Variants in FAM13A observed in about 807,000 individuals in gnomAD.
FAM13A encodes the protein protein FAM13A.
A neutral mutation model predicts 129.6 loss-of-function variants in FAM13A; 76 were observed. The ratio of observed to expected loss-of-function variants is 0.59; its 90% CI spans 0.49 to 0.71. The LOEUF is 0.71. Ranked by LOEUF, FAM13A falls within the 30% of genes least tolerant of loss-of-function variation. The pLI, the probability that FAM13A is intolerant of heterozygous loss-of-function variation, is 0.00. For missense variants in FAM13A, 1,108 were observed against 1,249.3 expected, an observed-to-expected ratio of 0.89 and a Z score of 1.70; for synonymous variants, 443 against 449.9, an observed-to-expected ratio of 0.98 and a Z score of 0.20.
At chr4:89,018,055 AG>A (rs1249796658) in intron 3 of FAM13A, among the ~76,000 whole-genome samples, 2 of 152,206 alleles carry the variant, frequency 1.3e-5, no homozygotes, top group African/African-American at 4.8e-5. Context: ...AAAAAATAAT[AG>A]GTTTGAAAAT....
chr4:88,990,287 A>G (rs1762774072), intron 4 of FAM13A: 1 of 152,198 alleles, frequency 6.6e-6, no homozygotes. Context: ...ATTAAAAAAA[A>G]AGTTGCTGAG....
At chr4:88,849,231 T>C (rs1168541102) in intron 7 of FAM13A, among the ~76,000 whole-genome samples, 1 of 152,188 alleles carries the variant, frequency 6.6e-6, no homozygotes, top group Non-Finnish European at 1.5e-5. Flanking sequence ...GTAAATGCCA[T>C]ATAACTAGAT....
chr4:89,027,115 C>T (rs1768062656), intron 2 of FAM13A, among the ~76,000 whole-genome samples: 1 of 152,162 alleles, frequency 6.6e-6, no homozygotes, highest in Non-Finnish European at 1.5e-5. Context: ...TAGTACCAAA[C>T]CCTATATATA....
intron 10 of FAM13A, among the ~76,000 whole-genome samples, chr4:88,785,361 A>G (rs1723757454): frequency 6.6e-6 from 1 of 152,154 alleles, no homozygotes; most frequent in African/African-American, 2.4e-5. Context: ...AGAAGCATAT[A>G]CTATGACGAA....
intron 6 of FAM13A, among the ~76,000 whole-genome samples, chr4:88,874,706 C>T (rs1226952433): frequency 2.0e-5 from 3 of 152,148 alleles, no homozygotes; most frequent in Admixed American, 6.5e-5. Flanking sequence ...GTGAAAATGG[C>T]CATACCGCCC....
intron 3 of FAM13A, among the ~76,000 whole-genome samples, chr4:88,992,214 T>TGG: frequency 6.6e-6 from 1 of 152,146 alleles, no homozygotes; most frequent in Admixed American, 6.5e-5. Context: ...TAGTCCTGAA[T>TGG]AAAGATTGCC....
chr4:89,053,882 T>C (rs6826407), intron 1 of FAM13A, among the ~76,000 whole-genome samples: 51,465 of 151,974 alleles, frequency 0.34, 9,219 homozygotes, highest in Middle Eastern at 0.47. Context: ...TGATGCCACA[T>C]TGGATAGAAC....
intron 19 of FAM13A, among the ~76,000 whole-genome samples, chr4:88,740,842 T>G (rs879841528): frequency 2.0e-5 from 3 of 152,238 alleles, no homozygotes; most frequent in Admixed American, 6.5e-5. Flanking sequence ...AGATAACTAA[T>G]GGGCAATTGG....
intron 9 of FAM13A, 28 bp downstream of exon 9, chr4:88,790,558 G>T: frequency 1.4e-6 from 2 of 1,403,470 alleles, no homozygotes; most frequent in South Asian, 1.2e-5. Flanking sequence ...AAAACCCAAA[G>T]CCCAAAAACC....
intron 4 of FAM13A, among the ~76,000 whole-genome samples, chr4:88,980,931 G>T (rs1157129021): frequency 1.3e-5 from 2 of 152,146 alleles, no homozygotes; most frequent in Non-Finnish European, 2.9e-5. Flanking sequence ...TTTTCTGCAA[G>T]ATTTGAAGAC....
chr4:88,963,018 A>T, intron 4 of FAM13A, among the ~76,000 whole-genome samples: 1 of 152,210 alleles, frequency 6.6e-6, no homozygotes, highest in East Asian at 1.9e-4. Flanking sequence ...GTTCAGAAAA[A>T]TATCAATGGG....
intron 4 of FAM13A, among the ~76,000 whole-genome samples, chr4:88,954,724 T>A (rs1281257602): frequency 1.3e-5 from 2 of 151,706 alleles, no homozygotes; most frequent in African/African-American, 4.8e-5. Context: ...CGTCTCTACT[T>A]AAAATTCAAA....
intron 1 of FAM13A, among the ~76,000 whole-genome samples, chr4:89,044,393 A>C (rs1465367926): frequency 6.6e-6 from 1 of 152,192 alleles, no homozygotes; most frequent in East Asian, 1.9e-4. Context: ...ACACCAATTA[A>C]GATGGCTATT....
chr4:88,938,266 G>A (rs1344657708), intron 4 of FAM13A, 25 bp from the exon 5 acceptor site: 8 of 1,579,748 alleles, frequency 5.1e-6, no homozygotes, highest in Non-Finnish European at 6.9e-6. Flanking sequence ...GGGAAAGAGA[G>A]GAATTACTTA....
chr4:89,046,046 AT>A (rs1218417781), intron 1 of FAM13A, among the ~76,000 whole-genome samples: 2 of 151,480 alleles, frequency 1.3e-5, no homozygotes, highest in Admixed American at 6.6e-5. Context: ...AAAAGAAAAA[AT>A]AAAAAAAATT....
chr4:88,975,568 A>G (rs1334706808), intron 4 of FAM13A, among the ~76,000 whole-genome samples: 3 of 152,236 alleles, frequency 2.0e-5, no homozygotes, highest in Non-Finnish European at 4.4e-5. Context: ...TTGAAGTCTT[A>G]TAGACAGCAA....
chr4:88,904,721 C>A (rs2446304), intron 6 of FAM13A, among the ~76,000 whole-genome samples: 112,721 of 151,962 alleles, frequency 0.74, 42,106 homozygotes, highest in Non-Finnish European at 0.79. Flanking sequence ...CATGGCACAC[C>A]TTTACCTATG....
At chr4:88,945,992 A>ATG (rs200668381) in intron 4 of FAM13A, among the ~76,000 whole-genome samples, 281 of 11,196 alleles carry the variant, frequency 0.025, 13 homozygotes, top group South Asian at 0.077. Flanking sequence ...GTGTGTGTGT[A>ATG]TATATATATA....
At chr4:88,773,364 T>C (rs1365660255) in intron 11 of FAM13A, among the ~76,000 whole-genome samples, 2 of 152,204 alleles carry the variant, frequency 1.3e-5, no homozygotes, top group Non-Finnish European at 2.9e-5. Flanking sequence ...TAGGTTTTCT[T>C]GAACCCACTT....
Sources: allele counts gnomAD v4.1 joint callset (sites outside exome capture counted in the v4.1 genomes callset), GRCh38; gene constraint gnomAD v4.1.1; transcripts MANE v1.5; gene names NCBI Gene and HGNC (gene_info 2026-07-23, HGNC 2026-07-21).